The following ROBO1 variants were observed in gnomAD, a reference collection of about 807,000 sequenced individuals.
ROBO1 encodes roundabout homolog 1.
In ROBO1, 149 loss-of-function variants were observed where a neutral mutation model predicts 195.9. The ratio of observed to expected loss-of-function variants is 0.76; its 90% CI spans 0.67 to 0.87. The LOEUF is 0.87. ROBO1 is among the 40% of genes least tolerant of loss of function. ROBO1 has a pLI of 0.00. For missense variants in ROBO1, 1,933 were observed against 2,068.3 expected (o/e 0.93, Z 1.27); for synonymous variants, 816 against 733.2 (o/e 1.11, Z -1.82).
intron 18 of ROBO1, among the ~76,000 whole-genome samples, chr3:78,652,209 T>C (rs966762976): frequency 6.6e-6 from 1 of 152,172 alleles, no homozygotes; most frequent in Non-Finnish European, 1.5e-5. Flanking sequence ...CCAAAGAGGT[T>C]TGCAGGTTAC....
At chr3:79,555,060 GA>G (rs1222007350) in intron 2 of ROBO1, among the ~76,000 whole-genome samples, 1 of 152,056 alleles carries the variant, frequency 6.6e-6, no homozygotes, top group African/African-American at 2.4e-5. Context: ...AATGGGAAAA[GA>G]AAATGAAAAC....
chr3:79,466,845 G>C (rs1937986412), intron 2 of ROBO1, among the ~76,000 whole-genome samples: 1 of 152,142 alleles, frequency 6.6e-6, no homozygotes, highest in Non-Finnish European at 1.5e-5. Context: ...CAAAAATAGT[G>C]TTCTCTGTAT....
At chr3:78,870,701 G>A (rs373943471) in intron 4 of ROBO1, among the ~76,000 whole-genome samples, 15 of 152,136 alleles carry the variant, frequency 9.9e-5, no homozygotes, top group South Asian at 2.1e-4. Context: ...AAAGGATTGC[G>A]AAAATTGCTG....
At chr3:79,539,486 A>G (rs928057897) in intron 2 of ROBO1, among the ~76,000 whole-genome samples, 2 of 152,086 alleles carry the variant, frequency 1.3e-5, no homozygotes, top group African/African-American at 2.4e-5. Context: ...TGCTATACAA[A>G]TATGCCTCAA....
chr3:78,641,629 G>T (rs1559684546), intron 21 of ROBO1, among the ~76,000 whole-genome samples: 1 of 152,048 alleles, frequency 6.6e-6, no homozygotes, highest in Admixed American at 6.6e-5. Context: ...CTTAAACTAT[G>T]AATGTTATCA....
At chr3:79,237,298 C>T (rs1345107109) in intron 2 of ROBO1, among the ~76,000 whole-genome samples, 1 of 151,918 alleles carries the variant, frequency 6.6e-6, no homozygotes, top group East Asian at 1.9e-4. Flanking sequence ...CCTGCTAACA[C>T]GTTGAAACTC....
chr3:79,286,105 G>C (rs2031867488), intron 2 of ROBO1, among the ~76,000 whole-genome samples: 1 of 152,152 alleles, frequency 6.6e-6, no homozygotes, highest in Admixed American at 6.6e-5. Flanking sequence ...AAACATGAAA[G>C]AGTTGAATCA....
chr3:79,438,960 T>A lies in ROBO1; in HGVS notation c.88+150864A>T, dbSNP rs570615389. Among the ~76,000 whole-genome samples the A allele has an allele frequency of 7.9e-5, 12 of 152,180 alleles. No individual in the cohort carries two copies. The South Asian group carries it at 2.5e-3, about 32-fold the overall frequency. ...TGAAATCCTTCCCTTTAAGCATCAG[T>A]TCATTTGCTCATTGTCACCACAATC... is the stretch of plus-strand genomic sequence containing the variant. On this transcript the variant is annotated intron_variant, in intron 2 of 30. Transcript: ENST00000464233.
intron 2 of ROBO1, among the ~76,000 whole-genome samples, chr3:79,435,242 G>T (rs2038843395): frequency 6.6e-6 from 1 of 151,834 alleles, no homozygotes; most frequent in African/African-American, 2.4e-5. Flanking sequence ...ATAAAACAAG[G>T]TTCTTTTAGA....
intron 4 of ROBO1, among the ~76,000 whole-genome samples, chr3:78,873,542 T>C (rs939820687): frequency 6.6e-6 from 1 of 152,116 alleles, no homozygotes; most frequent in African/African-American, 2.4e-5. Flanking sequence ...TTCTTACCTA[T>C]GAGTAAATAA....
At chr3:78,702,890 A>G (rs2081452938) in intron 8 of ROBO1, among the ~76,000 whole-genome samples, 1 of 152,154 alleles carries the variant, frequency 6.6e-6, no homozygotes, top group Non-Finnish European at 1.5e-5. Flanking sequence ...GAATCATCTT[A>G]TGTATCAATT....
chr3:79,693,463 A>G (rs989929855), intron 1 of ROBO1, among the ~76,000 whole-genome samples: 1 of 149,964 alleles, frequency 6.7e-6, no homozygotes, highest in Non-Finnish European at 1.5e-5. Context: ...AGGGTCTTGG[A>G]TCTTGTTCTG....
intron 1 of ROBO1, among the ~76,000 whole-genome samples, chr3:79,633,865 A>T (rs557697813): frequency 6.6e-6 from 1 of 152,118 alleles, no homozygotes; most frequent in African/African-American, 2.4e-5. Context: ...AGCTGTGTCC[A>T]TCTCTGTGGT....
chr3:78,881,016 T>C (rs1041071396), intron 4 of ROBO1, among the ~76,000 whole-genome samples: 4 of 152,194 alleles, frequency 2.6e-5, no homozygotes, highest in African/African-American at 9.7e-5. Context: ...CTCTTTGGAT[T>C]CTGGAGGCCA....
At chr3:78,825,610 G>T (rs1416455774) in intron 4 of ROBO1, among the ~76,000 whole-genome samples, 1 of 152,140 alleles carries the variant, frequency 6.6e-6, no homozygotes, top group Admixed American at 6.5e-5. Context: ...ATTATGAAGA[G>T]AAAGACTGGG....
chr3:79,019,510 C>T (rs982414609), intron 3 of ROBO1: 2 of 986,038 alleles, frequency 2.0e-6, no homozygotes, highest in Non-Finnish European at 1.2e-6. Context: ...CCTCCCTCTC[C>T]TCCCCGGCCC....
chr3:78,691,781 A>T lies in ROBO1; in HGVS notation c.1046-3009T>A, dbSNP rs189210974. ...TTAACATCTTTGCCAAACTAACAAC[A>T]GATTCTCCTCTTAATTAACAATTTT... On this transcript the variant is annotated intron_variant, in intron 8 of 30. Coordinates refer to ENST00000464233, the MANE Select transcript of ROBO1 (RefSeq NM_002941.4). Among the ~76,000 whole-genome samples the T allele has an allele frequency of 9.9e-4, 150 of 152,240 alleles. 2 individuals are homozygous for T. Among genetic ancestry groups the T allele is most frequent in the African/African-American group, 3.3e-3 (136 of 41,562 alleles).
intron 4 of ROBO1, among the ~76,000 whole-genome samples, chr3:78,904,679 T>A (rs1398078185): frequency 6.6e-6 from 1 of 151,092 alleles, no homozygotes; most frequent in African/African-American, 2.4e-5. Flanking sequence ...TGTATGTATA[T>A]GTATACGTAT....
chr3:79,439,920 G>C (rs2038999412), intron 2 of ROBO1, among the ~76,000 whole-genome samples: 1 of 152,046 alleles, frequency 6.6e-6, no homozygotes, highest in African/African-American at 2.4e-5. Flanking sequence ...TCAGGGAAGA[G>C]AGTGACAATA....
Sources: allele counts gnomAD v4.1 joint callset (sites outside exome capture counted in the v4.1 genomes callset), GRCh38; gene constraint gnomAD v4.1.1; transcripts MANE v1.5; gene names NCBI Gene and HGNC (gene_info 2026-07-23, HGNC 2026-07-21).